Variants in TRERF1 observed in about 807,000 individuals in gnomAD.
TRERF1 encodes the protein transcriptional regulating factor 1, also known as transcriptional-regulating factor 1.
A neutral mutation model predicts 122.9 loss-of-function variants in TRERF1; 27 were observed. The observed-to-expected ratio is 0.22, with a 90% CI of 0.16 to 0.30. TRERF1 has a LOEUF of 0.30. TRERF1 is among the 10% of genes least tolerant of loss of function. TRERF1 has a pLI of 1.00. For synonymous variants in TRERF1, 636 were observed against 641.7 expected, an observed-to-expected ratio of 0.99 and a Z score of 0.13; for missense variants, 1,248 against 1,560.3, an observed-to-expected ratio of 0.80 and a Z score of 3.37.
At chr6:42,345,883 C>G (rs113123531) in intron 3 of TRERF1, among the ~76,000 whole-genome samples, 59 of 152,332 alleles carry the variant, frequency 3.9e-4, no homozygotes, top group African/African-American at 1.3e-3. Context: ...CCCCTGTCAC[C>G]TGTAAATCAC....
chr6:42,441,345 G>A (rs1009699821), intron 2 of TRERF1, among the ~76,000 whole-genome samples: 5 of 152,168 alleles, frequency 3.3e-5, no homozygotes, highest in Non-Finnish European at 5.9e-5. Context: ...AAGGAGGAGG[G>A]GGTGGGTGAA....
intron 2 of TRERF1, among the ~76,000 whole-genome samples, chr6:42,429,453 C>T (rs771110603): frequency 6.6e-5 from 10 of 152,184 alleles, no homozygotes; most frequent in African/African-American, 1.2e-4. Context: ...CCCCTGCTAC[C>T]GCCTCCTCTC....
intron 2 of TRERF1, among the ~76,000 whole-genome samples, chr6:42,380,157 TCAGGAACAAC>T (rs1397958400): frequency 7.4e-6 from 1 of 135,030 alleles, no homozygotes; most frequent in Non-Finnish European, 1.5e-5. Context: ...GGTGGGAATC[TCAGGAACAAC>T]CAGGAGTCCA....
At chr6:42,224,938 A>G (rs147345605), downstream of TRERF1, 1 of 152,370 alleles carries the variant, frequency 6.6e-6, no homozygotes, top group Non-Finnish European at 1.5e-5. Flanking sequence ...ACGAAACGCA[A>G]AAGATTAATA....
chr6:42,385,447 G>A (rs1234339882), intron 2 of TRERF1, among the ~76,000 whole-genome samples: 1 of 152,200 alleles, frequency 6.6e-6, no homozygotes. Flanking sequence ...CCACCCTGAA[G>A]TTACGTGGAC....
At chr6:42,429,139 C>T (rs1198074340) in intron 2 of TRERF1, among the ~76,000 whole-genome samples, 1 of 152,200 alleles carries the variant, frequency 6.6e-6, no homozygotes, top group Non-Finnish European at 1.5e-5. Flanking sequence ...CAAGGAGGAC[C>T]ACACTCCTAA....
intron 15 of TRERF1, among the ~76,000 whole-genome samples, chr6:42,240,562 ACCTGGGGCAAGCC>A: frequency 6.6e-6 from 1 of 152,348 alleles, no homozygotes; most frequent in South Asian, 2.1e-4. Flanking sequence ...GCTCTGTGTG[ACCTGGGGCAAGCC>A]CCTTCCTCTC....
chr6:42,342,489 C>T (rs1767483627), intron 3 of TRERF1, among the ~76,000 whole-genome samples: 1 of 152,168 alleles, frequency 6.6e-6, no homozygotes, highest in East Asian at 1.9e-4. Flanking sequence ...CAGGCAGCCA[C>T]TATTAATCAC....
rs554493290 is a variant in TRERF1, at chr6:42,281,032, T to C, written c.-258-11184A>G. ...GGGAGGGATGATGAAGGTTGGCTTC[T>C]GGTTACTGAGAGGCCTCAGGGGATA... On this transcript the variant is annotated intron_variant, in intron 4 of 17. Coordinates refer to ENST00000372922, the Ensembl canonical transcript of TRERF1. Among the ~76,000 whole-genome samples, 698 of 152,330 alleles carry C rather than the reference T, an allele frequency of 4.6e-3. 5 individuals carry two copies. Among genetic ancestry groups the C allele is most frequent in the Non-Finnish European group, 7.7e-3 (527 of 68,016 alleles).
At chr6:42,340,462 TTAATC>T (rs1391264725) in intron 3 of TRERF1, among the ~76,000 whole-genome samples, 1 of 152,188 alleles carries the variant, frequency 6.6e-6, no homozygotes. Context: ...AGCCCATAGA[TTAATC>T]TATTTATTCT....
intron 3 of TRERF1, among the ~76,000 whole-genome samples, chr6:42,362,322 C>T (rs1054698238): frequency 2.0e-5 from 3 of 152,260 alleles, no homozygotes; most frequent in African/African-American, 7.2e-5. Flanking sequence ...AACAAAACCA[C>T]ACACACCGAA....
At chr6:42,301,792 T>C (rs1786252902) in intron 3 of TRERF1, among the ~76,000 whole-genome samples, 1 of 152,250 alleles carries the variant, frequency 6.6e-6, no homozygotes. Flanking sequence ...AGTAGCAGCA[T>C]TGCTATAGTA....
chr6:42,328,058 G>A (rs1385411047), intron 3 of TRERF1, among the ~76,000 whole-genome samples: 1 of 148,554 alleles, frequency 6.7e-6, no homozygotes, highest in African/African-American at 2.5e-5. Flanking sequence ...CAGGCTGGAG[G>A]GCAGTGGTAC....
intron 3 of TRERF1, among the ~76,000 whole-genome samples, chr6:42,331,746 T>C (rs1406652030): frequency 1.3e-5 from 2 of 152,232 alleles, no homozygotes; most frequent in East Asian, 3.9e-4. Context: ...GCTCTGACAT[T>C]CCATGCCACT....
intron 8 of TRERF1, among the ~76,000 whole-genome samples, chr6:42,262,300 C>G (rs73733133): frequency 0.018 from 2,695 of 152,018 alleles, 79 homozygotes; most frequent in African/African-American, 0.06. Flanking sequence ...CTACCCTGGC[C>G]CAGCCTACCC....
chr6:42,356,339 T>G (rs551706115), intron 3 of TRERF1, among the ~76,000 whole-genome samples: 4 of 152,170 alleles, frequency 2.6e-5, no homozygotes, highest in Non-Finnish European at 5.9e-5. Context: ...CTTTGAGAGA[T>G]AATTAAGTTT....
At chr6:42,422,168 T>C (rs949180784) in intron 2 of TRERF1, among the ~76,000 whole-genome samples, 1 of 150,738 alleles carries the variant, frequency 6.6e-6, no homozygotes, top group African/African-American at 2.4e-5. Context: ...TGAGACTCCA[T>C]CTCATTAAAA....
chr6:42,445,324 TATC>T (rs1787282566), intron 2 of TRERF1, among the ~76,000 whole-genome samples: 1 of 148,658 alleles, frequency 6.7e-6, no homozygotes, highest in South Asian at 2.1e-4. Flanking sequence ...TTTCTGGCCT[TATC>T]AGCCTCAGGA....
intron 2 of TRERF1, among the ~76,000 whole-genome samples, chr6:42,428,482 G>T (rs568274306): frequency 2.8e-4 from 43 of 152,304 alleles, no homozygotes; most frequent in African/African-American, 9.9e-4. Flanking sequence ...GGTGGAGGGG[G>T]TGCGAGAGGG....
Sources: gnomAD v4.1 joint callset for allele counts (sites outside exome capture counted in the v4.1 genomes callset) on GRCh38, gnomAD v4.1.1 for gene constraint, MANE v1.5 for transcripts, NCBI Gene and HGNC (gene_info 2026-07-23, HGNC 2026-07-21) for gene names.